The following HDAC1 variants were observed in gnomAD, a reference collection of about 807,000 sequenced individuals.
HDAC1 encodes protein deacetylase HDAC1.
A neutral mutation model predicts 65.5 loss-of-function variants in HDAC1; 18 were observed. The observed-to-expected ratio is 0.27, with a 90% CI of 0.19 to 0.41. The LOEUF is 0.41. Ranked by LOEUF, HDAC1 falls within the 10% of genes least tolerant of loss-of-function variation. The pLI, the probability that HDAC1 is intolerant of heterozygous loss-of-function variation, is 1.00. For missense variants in HDAC1, 373 were observed against 625.2 expected (o/e 0.60, Z 4.30); for synonymous variants, 211 against 227.9 (o/e 0.93, Z 0.67).
rs776987548 is a variant in HDAC1, at chr1:32,332,085, C to G, written c.1220-5C>G. Reference sequence around the variant, plus strand: ...CTCTCACCCATGCTTCCCACTCCCTCCCAGTCTGCTCCTCTGACAAACGAA... The same window carrying G: ...CTCTCACCCATGCTTCCCACTCCCTGCCAGTCTGCTCCTCTGACAAACGAA... On this transcript the variant is annotated splice_polypyrimidine_tract_variant and splice_region_variant and intron_variant, in intron 11 of 13. Coordinates refer to ENST00000373548, the MANE Select transcript of HDAC1 (RefSeq NM_004964.3). 4.4e-6 allele frequency: 7 copies of G among 1,589,210 alleles called. No individual in the cohort carries two copies. The South Asian group carries it at 8.0e-5, about 18-fold the overall frequency.
intron 2 of HDAC1, among the ~76,000 whole-genome samples, chr1:32,308,491 GGTTTT>G (rs755633621): frequency 1.1e-4 from 16 of 152,050 alleles, no homozygotes; most frequent in Admixed American, 2.0e-4. Context: ...TTTGTGTATG[GGTTTT>G]GTTTTGTTTT....
chr1:32,296,409 G>C (rs1640767153), intron 1 of HDAC1, among the ~76,000 whole-genome samples: 1 of 152,164 alleles, frequency 6.6e-6, no homozygotes, highest in African/African-American at 2.4e-5. Flanking sequence ...CTGTCACTCA[G>C]GCTGGAGTGC....
chr1:32,293,362 T>C (rs1339324821), intron 1 of HDAC1, among the ~76,000 whole-genome samples: 1 of 150,310 alleles, frequency 6.7e-6, no homozygotes, highest in Non-Finnish European at 1.5e-5. Flanking sequence ...GACCGGACCA[T>C]GAAGGGCTGG....
In HDAC1 at chr1:32,330,447, T is replaced by C. The variant is rs1172065068; in HGVS notation, c.730-131T>C. The stretch of plus-strand genomic sequence containing the variant: ...CAAGGGCTCCAGCCTAGCACTCCCT[T>C]TTCTCTCCCACATAGCATGAGGGAG... On this transcript the variant is annotated intron_variant, in intron 7 of 13. Transcript: ENST00000373548. The surrounding 1 kb of genome is among the most constrained non-coding windows in gnomAD (Gnocchi z 4.2). The C allele has an allele frequency of 1.3e-5, 9 of 715,128 alleles. No homozygotes were observed. The highest frequency in any genetic ancestry group is 2.0e-5 in the Non-Finnish European group (8 of 400,358). The allele number at this position is 715,128 out of a possible 1,614,324, so 44.3% of individuals were successfully genotyped here.
chr1:32,298,118 G>A (rs1570000788), intron 1 of HDAC1, among the ~76,000 whole-genome samples: 1 of 53,718 alleles, frequency 1.9e-5, no homozygotes, highest in Non-Finnish European at 3.5e-5. Flanking sequence ...ACCAAGTTTT[G>A]CTCTTGTTGC....
chr1:32,305,836 C>G (rs953525276), intron 2 of HDAC1, among the ~76,000 whole-genome samples: 5 of 152,098 alleles, frequency 3.3e-5, no homozygotes, highest in African/African-American at 9.7e-5. Flanking sequence ...TCTGAAACTC[C>G]TAGGCTCAAG....
Position 32,332,126 on chromosome 1 carries a change from A to T in HDAC1, c.1256A>T (p.Glu419Val). Residue 419 changes from glutamate to valine, a missense_variant, in exon 12 of 14, where the codon GAG (glutamate) becomes GTG (valine). By Grantham distance (121) the Glu-to-Val change is moderately radical. This residue lies in a region of HDAC1 where 126 missense variants were observed against 126.2 expected (regional missense o/e 1.00). Coordinates refer to ENST00000373548, the MANE Select transcript of HDAC1 (RefSeq NM_004964.3). ...GACAAACGAATTGCCTGTGAGGAAG[A>T]GTTCTCCGATTCTGAAGAGGAGGGA... ...SSDKRIACEE[E>V]FSDSEEEGEG... is the part of the protein sequence containing the mutation. The T allele has an allele frequency of 2.5e-6, 4 of 1,610,896 alleles. No individual in the cohort carries two copies. The highest frequency in any genetic ancestry group is 3.4e-6 in the Non-Finnish European group (4 of 1,178,544).
chr1:32,317,457 A>C (rs1407587831), intron 3 of HDAC1, among the ~76,000 whole-genome samples: 1 of 152,200 alleles, frequency 6.6e-6, no homozygotes, highest in Non-Finnish European at 1.5e-5. Context: ...AGCACCTAAG[A>C]CTTCATATAG....
At chr1:32,321,025 A>G (rs1641135179) in intron 3 of HDAC1, among the ~76,000 whole-genome samples, 1 of 151,478 alleles carries the variant, frequency 6.6e-6, no homozygotes, top group African/African-American at 2.4e-5. Flanking sequence ...AGGTCAGGAG[A>G]TCAAGACCAT....
In HDAC1 at chr1:32,329,228, A is replaced by C. The variant is rs1570039853; in HGVS notation, c.729+68A>C. On this transcript the variant is annotated intron_variant, in intron 7 of 13. Coordinates refer to ENST00000373548, the MANE Select transcript of HDAC1 (RefSeq NM_004964.3). The surrounding 1 kb of genome is among the most constrained non-coding windows in gnomAD (Gnocchi z 4.1). ...GGTTGGCGGTGGAGGGGAGCAAAGC[A>C]CCCCCACCATACCTCAGGAATCTCT... 5.6e-6 allele frequency: 5 copies of C among 899,432 alleles called. No homozygotes were observed. The allele number at this position is 899,432 out of a possible 1,614,324, so 55.7% of individuals were successfully genotyped here. A position where few individuals can be genotyped will look rare whatever the true frequency, so the allele number is the denominator to read the frequency against.
intron 3 of HDAC1, among the ~76,000 whole-genome samples, chr1:32,318,377 A>G (rs1454342689): frequency 1.3e-5 from 2 of 152,206 alleles, no homozygotes; most frequent in African/African-American, 4.8e-5. Flanking sequence ...CCTGGGCAAC[A>G]TAGTGAGACC....
intron 2 of HDAC1, among the ~76,000 whole-genome samples, chr1:32,306,564 C>G (rs1640914384): frequency 6.6e-6 from 1 of 152,118 alleles, no homozygotes; most frequent in Non-Finnish European, 1.5e-5. Flanking sequence ...TCAAGTAATC[C>G]TCCCTCCTCA....
chr1:32,320,076 C>T (rs150063488), intron 3 of HDAC1, among the ~76,000 whole-genome samples: 4 of 152,066 alleles, frequency 2.6e-5, no homozygotes, highest in Admixed American at 6.6e-5. Flanking sequence ...AAAAATTAGC[C>T]GGACGTGGTG....
In HDAC1 at chr1:32,331,440, G is replaced by T. The variant is rs775662130; in HGVS notation, c.980-34G>T. 6.0e-5 allele frequency: 76 copies of T among 1,270,326 alleles called. No individual in the cohort carries two copies. Among genetic ancestry groups the T allele is most frequent in the Non-Finnish European group, 8.7e-5 (75 of 866,592 alleles). The allele number at this position is 1,270,326 out of a possible 1,614,324, so 78.7% of individuals were successfully genotyped here. ...CAAATGGTTAGGGTGCGGTGGCCAG[G>T]TCTCTTGACGGTCTTCTCTCCTGCC... On this transcript the variant is annotated intron_variant, in intron 9 of 13. Transcript: ENST00000373548. This position sits in a 1 kb window ranked among gnomAD's most constrained non-coding sequence, Gnocchi z 4.2.
At chr1:32,326,339 AT>A (rs1012951825) in intron 4 of HDAC1, among the ~76,000 whole-genome samples, 3 of 151,610 alleles carry the variant, frequency 2.0e-5, no homozygotes, top group Non-Finnish European at 4.4e-5. Flanking sequence ...ATTTTTTCGT[AT>A]TTTTAATAGA....
intron 1 of HDAC1, among the ~76,000 whole-genome samples, chr1:32,298,881 C>G (rs1432731654): frequency 6.6e-6 from 1 of 152,002 alleles, no homozygotes; most frequent in East Asian, 1.9e-4. Flanking sequence ...GTCTGTAATC[C>G]CAGCTACTCA....
intron 3 of HDAC1, among the ~76,000 whole-genome samples, chr1:32,321,716 G>A (rs1390363881): frequency 6.6e-6 from 1 of 152,090 alleles, no homozygotes; most frequent in Non-Finnish European, 1.5e-5. Flanking sequence ...TTGGTTTGGT[G>A]CCTGAAGAAA....
At position 32,330,277 on chromosome 1, in the gene HDAC1, C is replaced by T. The variant is rs1020076640; in HGVS notation, c.730-301C>T. The T allele has an allele frequency of 1.5e-4, 53 of 360,670 alleles. No homozygotes were observed. The highest frequency in any genetic ancestry group is 4.7e-5 in the Non-Finnish European group (9 of 192,606). 22.3% of individuals were successfully genotyped at this position (360,670 alleles called of 1,614,324 possible). ...TGCAGCTAAAGGTCAGGAAGGCTTC[C>T]TGGAGGAAGTGGCACTAGAGCTTGG... is the stretch of plus-strand genomic sequence containing the variant. On this transcript the variant is annotated intron_variant, in intron 7 of 13. Coordinates refer to ENST00000373548, the MANE Select transcript of HDAC1 (RefSeq NM_004964.3). This position sits in a 1 kb window ranked among gnomAD's most constrained non-coding sequence, Gnocchi z 4.2.
chr1:32,318,337 G>C (rs1641092509), intron 3 of HDAC1, among the ~76,000 whole-genome samples: 1 of 152,218 alleles, frequency 6.6e-6, no homozygotes, highest in Non-Finnish European at 1.5e-5. Context: ...TGGGAGGATT[G>C]CTTGAGCCCA....
Sources: gnomAD v4.1 joint callset for allele counts (sites outside exome capture counted in the v4.1 genomes callset) on GRCh38, gnomAD v4.1.1 for gene constraint, gnomAD v4.1.1 regional missense constraint, Gnocchi (gnomAD v3.1) non-coding constraint, MANE v1.5 for transcripts, NCBI Gene and HGNC (gene_info 2026-07-23, HGNC 2026-07-21) for gene names.